The following TTC28 variants were observed in gnomAD, a reference collection of about 807,000 sequenced individuals.
TTC28 encodes the protein tetratricopeptide repeat protein 28.
TTC28 carries 61 observed loss-of-function variants against 198.0 expected under a neutral mutation model. The ratio of observed to expected loss-of-function variants is 0.31; its 90% CI spans 0.25 to 0.38. The LOEUF (loss-of-function observed/expected upper bound fraction) is 0.38. Ranked by LOEUF, TTC28 falls within the 10% of genes least tolerant of loss-of-function variation. TTC28 has a pLI of 1.00. For missense variants in TTC28, 2,678 were observed against 3,164.0 expected, an observed-to-expected ratio of 0.85 and a Z score of 3.69; for synonymous variants, 1,171 against 1,297.8, an observed-to-expected ratio of 0.90 and a Z score of 2.10.
chr22:28,204,563 A>G (rs1435547328), intron 5 of TTC28, among the ~76,000 whole-genome samples: 1 of 152,110 alleles, frequency 6.6e-6, no homozygotes, highest in Non-Finnish European at 1.5e-5. Flanking sequence ...CATGTGTCCA[A>G]TACCATAAAC....
intron 5 of TTC28, among the ~76,000 whole-genome samples, chr22:28,250,492 T>G (rs904600772): frequency 1.3e-5 from 2 of 152,180 alleles, no homozygotes; most frequent in Non-Finnish European, 2.9e-5. Context: ...TGTGGGAGGT[T>G]GTTTCCAGGA....
chr22:28,043,885 C>T (rs1361800385), intron 12 of TTC28, among the ~76,000 whole-genome samples: 5 of 152,102 alleles, frequency 3.3e-5, no homozygotes. Context: ...GAGCTGCACA[C>T]CAGAGCAAGA....
chr22:28,216,665 T>C (rs567197518), intron 5 of TTC28, among the ~76,000 whole-genome samples: 2 of 152,270 alleles, frequency 1.3e-5, no homozygotes, highest in South Asian at 4.1e-4. Flanking sequence ...AATATCATAG[T>C]CATTACTGAT....
At chr22:28,117,398 CCAGCCCTTGTCA>C (rs1942661975) in intron 6 of TTC28, among the ~76,000 whole-genome samples, 2 of 152,154 alleles carry the variant, frequency 1.3e-5, no homozygotes, top group South Asian at 2.1e-4. Context: ...ATAAACCCTC[CCAGCCCTTGTCA>C]CAGCCTACAA....
intron 6 of TTC28, among the ~76,000 whole-genome samples, chr22:28,134,023 A>G: frequency 6.6e-6 from 1 of 152,182 alleles, no homozygotes; most frequent in African/African-American, 2.4e-5. Flanking sequence ...TTCCAGAGGA[A>G]CGATCAGGCA....
In TTC28 at chr22:28,600,285, G is replaced by A. The variant is rs182818904; in HGVS notation, c.381+29267C>T. On this transcript the variant is annotated intron_variant, in intron 2 of 22. Coordinates refer to ENST00000397906, the MANE Select transcript of TTC28 (RefSeq NM_001145418.2). Reference sequence around the variant, plus strand: ...CTGGGCATGGTGGCACACGCCTGTAGTCCCCGCTACCTAAGAGGCTAAGGT... The same window carrying A: ...CTGGGCATGGTGGCACACGCCTGTAATCCCCGCTACCTAAGAGGCTAAGGT... Among the ~76,000 whole-genome samples, 385 of 151,990 alleles carry A rather than the reference G, an allele frequency of 2.5e-3. 3 individuals are homozygous for A. Among genetic ancestry groups the A allele is most frequent in the African/African-American group, 8.8e-3 (363 of 41,462 alleles).
intron 5 of TTC28, among the ~76,000 whole-genome samples, chr22:28,193,192 A>C (rs1049506439): frequency 6.6e-6 from 1 of 152,204 alleles, no homozygotes; most frequent in Non-Finnish European, 1.5e-5. Context: ...ACTAAGCTTC[A>C]TTAAGTGAAG....
intron 1 of TTC28, among the ~76,000 whole-genome samples, chr22:28,648,209 A>G (rs2051504847): frequency 6.7e-6 from 1 of 148,586 alleles, no homozygotes; most frequent in Non-Finnish European, 1.5e-5. Flanking sequence ...GGGCGACCAA[A>G]CGAGACTCTG....
At chr22:28,469,161 CT>C in intron 2 of TTC28, among the ~76,000 whole-genome samples, 1 of 152,282 alleles carries the variant, frequency 6.6e-6, no homozygotes, top group South Asian at 2.1e-4. Context: ...CAAATTAGAG[CT>C]TCAGACTACC....
rs979752673 is a variant in TTC28, at chr22:28,301,126, A to G, written c.530-3274T>C. ...TTATGTCTCACTGGTCCACACCCAT[A>G]ATCAAAAGCTCTAGATATACAAGTG... On this transcript the variant is annotated intron_variant, in intron 3 of 22. Coordinates refer to ENST00000397906, the MANE Select transcript of TTC28 (RefSeq NM_001145418.2). Among the ~76,000 whole-genome samples the G allele has an allele frequency of 1.6e-4, 25 of 152,226 alleles. 1 individual carries two copies. Among genetic ancestry groups the G allele is most frequent in the Non-Finnish European group, 4.4e-5 (3 of 68,042 alleles).
At chr22:28,339,664 C>A (rs1601655698) in intron 2 of TTC28, among the ~76,000 whole-genome samples, 1 of 152,178 alleles carries the variant, frequency 6.6e-6, no homozygotes, top group African/African-American at 2.4e-5. Flanking sequence ...ATGAGTGAGG[C>A]TCCATGGGCG....
intron 2 of TTC28, among the ~76,000 whole-genome samples, chr22:28,374,862 A>T (rs913918260): frequency 3.4e-5 from 5 of 148,390 alleles, no homozygotes; most frequent in South Asian, 2.1e-4. Flanking sequence ...TTTTTTTAAT[A>T]TTTTTTTTAG....
At chr22:28,669,345 C>A (rs968861859) in intron 1 of TTC28, among the ~76,000 whole-genome samples, 1 of 151,086 alleles carries the variant, frequency 6.6e-6, no homozygotes, top group East Asian at 1.9e-4. Context: ...CATGGGGCCA[C>A]ATGTCTAATA....
chr22:28,066,996 G>A (rs946161646), intron 12 of TTC28, among the ~76,000 whole-genome samples: 8 of 152,270 alleles, frequency 5.3e-5, no homozygotes, highest in Middle Eastern at 3.4e-3. Context: ...AGCCTCTCCT[G>A]ACTGAGCCCT....
chr22:28,235,564 GAAC>G (rs1463044891), intron 5 of TTC28, among the ~76,000 whole-genome samples: 2 of 152,132 alleles, frequency 1.3e-5, no homozygotes, highest in African/African-American at 4.8e-5. Context: ...TTCTAGAATA[GAAC>G]AACATGGTAG....
At chr22:28,674,151 G>A (rs1022496556) in intron 1 of TTC28, among the ~76,000 whole-genome samples, 2 of 151,976 alleles carry the variant, frequency 1.3e-5, no homozygotes, top group African/African-American at 2.4e-5. Flanking sequence ...TGTGGTATGA[G>A]AGACTTGTCT....
chr22:28,076,121 T>C (rs1018859096), intron 12 of TTC28, among the ~76,000 whole-genome samples: 2 of 152,224 alleles, frequency 1.3e-5, no homozygotes, highest in Non-Finnish European at 2.9e-5. Flanking sequence ...TCCACAGAGT[T>C]CTGGAAAGGA....
At chr22:28,316,338 G>A (rs2045351404) in intron 2 of TTC28, among the ~76,000 whole-genome samples, 1 of 152,102 alleles carries the variant, frequency 6.6e-6, no homozygotes, top group Non-Finnish European at 1.5e-5. Flanking sequence ...ACATTGTGTT[G>A]ATTACTGTAA....
At chr22:28,345,871 A>G (rs1412351455) in intron 2 of TTC28, among the ~76,000 whole-genome samples, 1 of 152,208 alleles carries the variant, frequency 6.6e-6, no homozygotes, top group Admixed American at 6.5e-5. Flanking sequence ...GAATTCATTC[A>G]ATATTAAAAC....
Sources: allele counts gnomAD v4.1 joint callset (sites outside exome capture counted in the v4.1 genomes callset), GRCh38; gene constraint gnomAD v4.1.1; transcripts MANE v1.5; gene names NCBI Gene and HGNC (gene_info 2026-07-23, HGNC 2026-07-21).